COLEC10: variants seen among roughly 807,000 people sequenced by gnomAD.
The protein encoded by COLEC10 is collectin-10.
Under a neutral mutation model 28.4 loss-of-function variants are expected in COLEC10, and 22 were observed. That is an observed-to-expected ratio of 0.78 (90% CI 0.55 to 1.11). The LOEUF (loss-of-function observed/expected upper bound fraction) is 1.11, where lower values mean the gene tolerates loss of function less well. Ranked by LOEUF, COLEC10 falls within the 50% of genes least tolerant of loss-of-function variation. COLEC10 has a pLI of 0.00. For synonymous variants in COLEC10, 125 were observed against 116.1 expected, an observed-to-expected ratio of 1.08 and a Z score of -0.49; for missense variants, 361 against 344.1, an observed-to-expected ratio of 1.05 and a Z score of -0.39.
At chr8:119,061,674 T>C (rs187551036) in intron 2 of COLEC10, among the ~76,000 whole-genome samples, 2 of 152,036 alleles carry the variant, frequency 1.3e-5, no homozygotes, top group East Asian at 3.9e-4. Context: ...TTACAATGTC[T>C]CAAAAATTTA....
At chr8:119,053,199 G>C (rs535997809) in intron 2 of COLEC10, among the ~76,000 whole-genome samples, 9 of 152,088 alleles carry the variant, frequency 5.9e-5, no homozygotes, top group Non-Finnish European at 1.0e-4. Context: ...ACCGTAAAAG[G>C]GGGGACTATG....
In COLEC10 at chr8:119,108,203, G is replaced by A. The variant is rs533724986; in HGVS notation, c.*2012G>A. 7.2e-5 allele frequency among the ~76,000 whole-genome samples: 11 copies of A among 152,214 alleles called. No individual in the cohort carries two copies. Among genetic ancestry groups the A allele is most frequent in the East Asian group, 3.9e-4 (2 of 5,180 alleles). On this transcript the variant is annotated 3_prime_UTR_variant, in exon 6 of 6. Coordinates refer to ENST00000332843, the MANE Select transcript of COLEC10 (RefSeq NM_006438.5). The stretch of plus-strand genomic sequence containing the variant: ...AAAATTACAAAGTAGGACATCAAAC[G>A]CCAGTATCCTTGGATAGAAAGCCAT...
At chr8:119,009,251 C>A (rs1001034181) in intron 1 of COLEC10, among the ~76,000 whole-genome samples, 7 of 150,914 alleles carry the variant, frequency 4.6e-5, no homozygotes, top group Non-Finnish European at 8.8e-5. Flanking sequence ...GGTGTGTTTC[C>A]ACCAACACTT....
chr8:119,088,681 G>A (rs559367727), intron 1 of COLEC10, among the ~76,000 whole-genome samples: 2 of 152,272 alleles, frequency 1.3e-5, no homozygotes, highest in South Asian at 2.1e-4. Flanking sequence ...TCATAATATC[G>A]TGTGTGTTGT....
intron 1 of COLEC10, among the ~76,000 whole-genome samples, chr8:119,069,580 T>G (rs1205266989): frequency 2.8e-5 from 3 of 108,700 alleles, no homozygotes; most frequent in Non-Finnish European, 5.2e-5. Flanking sequence ...CACTCCAGCC[T>G]GGACAACAGA....
At chr8:118,997,204 A>C (rs1813604126) in intron 1 of COLEC10, among the ~76,000 whole-genome samples, 1 of 152,204 alleles carries the variant, frequency 6.6e-6, no homozygotes, top group Non-Finnish European at 1.5e-5. Context: ...ACATTTAATA[A>C]TAACCTCTTA....
At chr8:118,962,152 G>T in the COLEC10 span, among the ~76,000 whole-genome samples, 1 of 152,174 alleles carries the variant, frequency 6.6e-6, no homozygotes, top group Non-Finnish European at 1.5e-5. Flanking sequence ...ACGGTCTGCT[G>T]GGGCAGCACG....
intron 2 of COLEC10, chr8:119,009,646 A>G (rs1360346755): frequency 1.3e-5 from 2 of 150,864 alleles, no homozygotes; most frequent in Non-Finnish European, 2.9e-5. Context: ...GAAGTGACAG[A>G]TTTGTTGGGC....
At position 119,051,259 on chromosome 8, in the gene COLEC10, T is replaced by A. The variant is rs867622142; in HGVS notation, n.236-38421T>A. ...TTGCTTTTCCTAGATTACTGTTTCA[T>A]GTGATATTTGGATTACAACTAACTT... On this transcript the variant is annotated intron_variant and non_coding_transcript_variant, in intron 2 of 6. Coordinates refer to the COLEC10 transcript ENST00000521788. Among the ~76,000 whole-genome samples the A allele has an allele frequency of 3.9e-5, 6 of 152,354 alleles. No homozygotes were observed. In the South Asian group the frequency reaches 8.3e-4, roughly 21 times the overall value.
Position 119,106,307 on chromosome 8 carries a change from G to A in COLEC10, c.*116G>A. The A allele has an allele frequency of 9.3e-7, 1 of 1,074,760 alleles. No individual in the cohort carries two copies. 66.6% of individuals were successfully genotyped at this position (1,074,760 alleles called of 1,614,324 possible). On this transcript the variant is annotated 3_prime_UTR_variant, in exon 6 of 6. Coordinates refer to ENST00000332843, the MANE Select transcript of COLEC10 (RefSeq NM_006438.5). Reference sequence around the variant, plus strand: ...ATCTGAGTCAACATAGCTAGAAAATGCTAAACTGAGGTATGGAGCCTCCAT... The same window carrying A: ...ATCTGAGTCAACATAGCTAGAAAATACTAAACTGAGGTATGGAGCCTCCAT...
At chr8:119,010,810 G>A (rs1353844331) in intron 2 of COLEC10, among the ~76,000 whole-genome samples, 3 of 151,068 alleles carry the variant, frequency 2.0e-5, no homozygotes, top group Admixed American at 1.3e-4. Flanking sequence ...TTAGTGAGGT[G>A]TCTGTTAATG....
chr8:119,105,477 T>G (rs556373946), intron 5 of COLEC10, among the ~76,000 whole-genome samples: 4 of 152,222 alleles, frequency 2.6e-5, no homozygotes, highest in African/African-American at 7.2e-5. Context: ...GCCACCAGTA[T>G]AGCTAAAGCA....
chr8:118,987,478 C>T, the COLEC10 span, among the ~76,000 whole-genome samples: 75 of 152,234 alleles, frequency 4.9e-4, 1 homozygote, highest in African/African-American at 1.6e-3. Context: ...GCATGAAAAT[C>T]TCTTGAACCC....
chr8:119,014,228 C>A (rs1021790604), intron 2 of COLEC10, among the ~76,000 whole-genome samples: 1 of 150,248 alleles, frequency 6.7e-6, no homozygotes, highest in African/African-American at 2.5e-5. Context: ...TAAAGAATTT[C>A]TTTTAACATT....
At chr8:119,099,679 A>G (rs1457295102) in intron 3 of COLEC10, among the ~76,000 whole-genome samples, 1 of 152,148 alleles carries the variant, frequency 6.6e-6, no homozygotes, top group Admixed American at 6.6e-5. Flanking sequence ...GTCTTCTCAG[A>G]AAAAAAGACC....
chr8:119,044,052 C>G (rs1478418241), intron 2 of COLEC10, among the ~76,000 whole-genome samples: 1 of 152,206 alleles, frequency 6.6e-6, no homozygotes, highest in Non-Finnish European at 1.5e-5. Flanking sequence ...AACATATTTA[C>G]CATTAGGCTG....
intron 1 of COLEC10, among the ~76,000 whole-genome samples, chr8:119,087,669 C>G (rs1385311982): frequency 6.6e-6 from 1 of 152,026 alleles, no homozygotes; most frequent in Non-Finnish European, 1.5e-5. Flanking sequence ...ATATTTCTTT[C>G]TGCAACCCCC....
At chr8:119,086,651 C>T (rs1384859941) in intron 1 of COLEC10, among the ~76,000 whole-genome samples, 1 of 152,156 alleles carries the variant, frequency 6.6e-6, no homozygotes, top group East Asian at 1.9e-4. Flanking sequence ...ACTCACCCGG[C>T]TGCCTCTGGT....
chr8:119,085,599 CT>C (rs66829005), intron 1 of COLEC10, among the ~76,000 whole-genome samples: 2,529 of 63,402 alleles, frequency 0.04, 26 homozygotes, highest in East Asian at 0.2. Flanking sequence ...TCTTCTTCTT[CT>C]TTTTTTTTTT....
Sources: gnomAD v4.1 joint callset for allele counts (sites outside exome capture counted in the v4.1 genomes callset) on GRCh38, gnomAD v4.1.1 for gene constraint, MANE v1.5 for transcripts, NCBI Gene and HGNC (gene_info 2026-07-23, HGNC 2026-07-21) for gene names.